EZR: variants seen among roughly 807,000 people sequenced by gnomAD.
EZR encodes the protein cytovillin 2.
In EZR, 40 loss-of-function variants were observed where a neutral mutation model predicts 74.8. The ratio of observed to expected loss-of-function variants is 0.53; its 90% CI spans 0.42 to 0.70. The LOEUF (loss-of-function observed/expected upper bound fraction) is 0.70, where lower values mean the gene tolerates loss of function less well. Among genes scored for constraint, EZR ranks in the 30% least tolerant of loss-of-function variants. EZR has a pLI of 0.00. For synonymous variants in EZR, 341 were observed against 283.3 expected (o/e 1.20, Z -2.05); for missense variants, 678 against 755.8 (o/e 0.90, Z 1.21).
intron 2 of EZR, among the ~76,000 whole-genome samples, chr6:158,798,519 T>C: frequency 6.6e-6 from 1 of 152,158 alleles, no homozygotes; most frequent in Middle Eastern, 3.2e-3. Context: ...CCTCACTGCT[T>C]CTGGGCGCTA....
At chr6:158,800,730 A>G (rs1268293372) in intron 2 of EZR, among the ~76,000 whole-genome samples, 1 of 152,182 alleles carries the variant, frequency 6.6e-6, no homozygotes, top group African/African-American at 2.4e-5. Flanking sequence ...TGAACCTGGG[A>G]GGTGGAGGCT....
At chr6:158,794,246 C>T (rs1191633657) in intron 2 of EZR, among the ~76,000 whole-genome samples, 1 of 152,232 alleles carries the variant, frequency 6.6e-6, no homozygotes, top group Non-Finnish European at 1.5e-5. Flanking sequence ...CGCCACTGCA[C>T]TCCAGCCTGG....
At chr6:158,774,058 C>T (rs1032565097) in intron 8 of EZR, among the ~76,000 whole-genome samples, 2 of 152,240 alleles carry the variant, frequency 1.3e-5, no homozygotes, top group Non-Finnish European at 2.9e-5. Context: ...TGTGAGTTCA[C>T]AGCAGAAACC....
chr6:158,775,380 C>A (rs1274534866), intron 8 of EZR, among the ~76,000 whole-genome samples: 3 of 152,134 alleles, frequency 2.0e-5, no homozygotes, highest in Non-Finnish European at 4.4e-5. Flanking sequence ...TTGTCAAGAC[C>A]TGCTGATTTT....
Position 158,770,805 on chromosome 6 carries a change from C to T in EZR, c.1049G>A (p.Arg350Gln), listed in dbSNP as rs775200943. The change falls in exon 10 of 14, where the codon CGG becomes CAG. Residue 350 changes from arginine (R) to glutamine (Q), a missense_variant. Around this residue, in one of 3 missense-constraint regions of EZR, gnomAD observed 342 missense variants for 341.2 expected, o/e 1.00. Coordinates refer to ENST00000367075, the MANE Select transcript of EZR (RefSeq NM_001111077.2). ...MMREKEELML[R>Q]LQDYEEKTKK... Reference sequence around the variant, plus strand: ...TGTCTTCTCCTCATAGTCCTGCAGCCGCAGCATCAACTCCTCCTTCTCGCG... The same window carrying T: ...TGTCTTCTCCTCATAGTCCTGCAGCTGCAGCATCAACTCCTCCTTCTCGCG... 30 of 1,614,062 alleles carry T rather than the reference C, an allele frequency of 1.9e-5. No homozygotes were observed. The highest frequency in any genetic ancestry group is 5.3e-5 in the African/African-American group (4 of 74,912).
chr6:158,815,588 C>T (rs1292556911), intron 2 of EZR, among the ~76,000 whole-genome samples: 1 of 152,198 alleles, frequency 6.6e-6, no homozygotes, highest in African/African-American at 2.4e-5. Context: ...AAGCAATCCT[C>T]CCACTTCAGC....
intron 2 of EZR, among the ~76,000 whole-genome samples, chr6:158,792,561 C>CCT (rs1554273911): frequency 6.6e-5 from 10 of 151,730 alleles, no homozygotes; most frequent in African/African-American, 1.2e-4. Context: ...CAGTGGCTCA[C>CCT]GTAATCCCAG....
At chr6:158,776,364 G>T in intron 8 of EZR, 44 bp downstream of exon 8, 1 of 1,468,018 alleles carries the variant, frequency 6.8e-7, no homozygotes, top group Non-Finnish European at 9.6e-7. Flanking sequence ...ACAAGTATAA[G>T]AATGAAAAAC....
intron 8 of EZR, among the ~76,000 whole-genome samples, chr6:158,772,454 G>A (rs1361817430): frequency 2.6e-5 from 4 of 152,248 alleles, no homozygotes; most frequent in East Asian, 1.9e-4. Flanking sequence ...TATCGGTGAC[G>A]TTCAGGAGGT....
At position 158,785,395 on chromosome 6, in the gene EZR, G is replaced by A. The variant is rs1319665095; in HGVS notation, c.381C>T (p.Ser127=). The A allele has an allele frequency of 1.2e-6, 2 of 1,614,210 alleles. No individual in the cohort carries two copies. Among genetic ancestry groups the A allele is most frequent in the Non-Finnish European group, 1.7e-6 (2 of 1,180,036 alleles). Residue 127 remains serine (S), a synonymous_variant, in exon 5 of 14, where the codon TCC becomes TCT. Transcript: ENST00000367075. ...CCCCAAACTTGGCCTGCACAGCGTA[G>A]GACCCCAAGAGCACGGCAGTCTCAG... ...CPPETAVLLG[S]YAVQAKFGDY...
intron 2 of EZR, among the ~76,000 whole-genome samples, chr6:158,797,828 T>A (rs1194250014): frequency 1.3e-5 from 2 of 152,244 alleles, no homozygotes; most frequent in Admixed American, 6.5e-5. Flanking sequence ...ATAGCAGCTA[T>A]TGAAATGTAA....
At chr6:158,771,447 C>T (rs777049336) in intron 8 of EZR, 40 bp from the exon 9 acceptor site, 28 of 1,535,974 alleles carry the variant, frequency 1.8e-5, no homozygotes, top group Admixed American at 1.5e-4. Flanking sequence ...CAAGCTCCTT[C>T]GTTTGGTTTT....
intron 2 of EZR, among the ~76,000 whole-genome samples, chr6:158,804,019 T>C (rs1004107326): frequency 6.6e-6 from 1 of 152,142 alleles, no homozygotes; most frequent in African/African-American, 2.4e-5. Flanking sequence ...CTGCTTTCCA[T>C]AGGTCTGACA....
At chr6:158,795,178 G>C (rs1777041715) in intron 2 of EZR, among the ~76,000 whole-genome samples, 1 of 152,108 alleles carries the variant, frequency 6.6e-6, no homozygotes, top group Non-Finnish European at 1.5e-5. Context: ...CTTGAACCTG[G>C]GAGGCGGAGG....
rs762584389 is a variant in EZR at position 158,767,349 on chromosome 6, A to C, written c.1508T>G (p.Leu503Arg). 6.2e-7 allele frequency: 1 copy of C among 1,613,560 alleles called. No homozygotes were observed. Among genetic ancestry groups the C allele is most frequent in the Non-Finnish European group, 8.5e-7 (1 of 1,179,952 alleles). ...GTCATCCCGGATGCCCTCACTAGAC[A>C]GCTCCGCGCTGTAGCCCGTGGGCTC... ...GAEPTGYSAE[L>R]SSEGIRDDRN... The change falls in exon 13 of 14, where the codon CTG becomes CGG. Residue 503 changes from leucine to arginine, a missense_variant. This residue lies in a region of EZR where 342 missense variants were observed against 341.2 expected (regional missense o/e 1.00). Transcript: ENST00000367075.
intron 2 of EZR, among the ~76,000 whole-genome samples, chr6:158,802,932 G>A (rs762094252): frequency 2.0e-5 from 3 of 151,054 alleles, no homozygotes; most frequent in African/African-American, 7.4e-5. Context: ...CCTACCCTGC[G>A]ATTCTCCTGA....
At chr6:158,784,568 T>C in intron 6 of EZR, 76 bp downstream of exon 6, 10 of 1,328,170 alleles carry the variant, frequency 7.5e-6, no homozygotes, top group Non-Finnish European at 1.1e-5. Flanking sequence ...TTTAAAGCAC[T>C]AACTAGAGTC....
intron 2 of EZR, among the ~76,000 whole-genome samples, chr6:158,790,322 A>T (rs1269162225): frequency 1.3e-5 from 2 of 152,236 alleles, no homozygotes; most frequent in Non-Finnish European, 2.9e-5. Flanking sequence ...AGAATTGAGG[A>T]GGTGGAGATG....
rs531069613 is a variant in EZR at position 158,780,579 on chromosome 6, G to A, written c.698+2941C>T. Among the ~76,000 whole-genome samples the A allele has an allele frequency of 2.6e-5, 4 of 152,216 alleles. No individual in the cohort carries two copies. In the East Asian group the frequency reaches 5.8e-4, roughly 22 times the overall value. On this transcript the variant is annotated intron_variant, in intron 7 of 13. Coordinates refer to ENST00000367075, the MANE Select transcript of EZR (RefSeq NM_001111077.2). ...TCCTGTTTCAGTCCCCAAGCTCCCC[G>A]TGCACCCTTTCCCTTTAAGGTGGAA...
Sources: gnomAD v4.1 joint callset for allele counts (sites outside exome capture counted in the v4.1 genomes callset) on GRCh38, gnomAD v4.1.1 for gene constraint, gnomAD v4.1.1 regional missense constraint, MANE v1.5 for transcripts, NCBI Gene and HGNC (gene_info 2026-07-23, HGNC 2026-07-21) for gene names.